NAP1L1: variants seen among roughly 807,000 people sequenced by gnomAD.
NAP1L1 encodes the protein nucleosome assembly protein 1-like 1.
In NAP1L1, 9 loss-of-function variants were observed where a neutral mutation model predicts 58.9. That is an observed-to-expected ratio of 0.15 (90% confidence interval 0.09 to 0.27). The LOEUF is 0.27. Ranked by LOEUF, NAP1L1 falls within the 10% of genes least tolerant of loss-of-function variation. The pLI is 1.00. For synonymous variants in NAP1L1, 130 were observed against 138.3 expected, an observed-to-expected ratio of 0.94 and a Z score of 0.42; for missense variants, 302 against 458.8, an observed-to-expected ratio of 0.66 and a Z score of 3.12.
Position 76,041,989 on chromosome 12 carries a change from TTAAAA to T in NAP1L1, c.*6435_*6439del, listed in dbSNP as rs1267458650. On this transcript the variant is annotated 3_prime_UTR_variant, in exon 15 of 15. Coordinates refer to ENST00000618691, the MANE Select transcript of NAP1L1 (RefSeq NM_004537.7). The stretch of plus-strand genomic sequence containing the variant: ...TAAACAGCATATGAAAACACATGTA[TTAAAA>T]TAAAACAAGAAAGGAATGAGATGAG... 1 of 152,186 alleles carries T rather than the reference TTAAAA, an allele frequency of 6.6e-6. No homozygotes were observed. The highest frequency in any genetic ancestry group is 2.4e-5 in the African/African-American group (1 of 41,460). 9.4% of individuals were successfully genotyped at this position (152,186 alleles called of 1,614,324 possible). A position where few individuals can be genotyped will look rare whatever the true frequency, so the allele number is the denominator to read the frequency against.
chr12:76,066,138 AAAC>A (rs892410023), intron 4 of NAP1L1, among the ~76,000 whole-genome samples: 2 of 8,130 alleles, frequency 2.5e-4, no homozygotes, highest in African/African-American at 1.1e-3. Flanking sequence ...ATAAATAAAT[AAAC>A]AAACAAACAA....
intron 9 of NAP1L1, 40 bp downstream of exon 9, chr12:76,053,730 C>T (rs781745384): frequency 1.3e-6 from 2 of 1,590,708 alleles, no homozygotes; most frequent in African/African-American, 1.4e-5. Flanking sequence ...ATAACAAAAA[C>T]AGAAAAAACA....
At chr12:76,062,650 T>G (rs1486157926) in intron 4 of NAP1L1, among the ~76,000 whole-genome samples, 1 of 152,112 alleles carries the variant, frequency 6.6e-6, no homozygotes, top group Non-Finnish European at 1.5e-5. Context: ...ACAGGATAGA[T>G]TCGACTGAAG....
chr12:76,077,066 CAG>C (rs1565748383), intron 1 of NAP1L1, among the ~76,000 whole-genome samples: 1 of 152,168 alleles, frequency 6.6e-6, no homozygotes, highest in African/African-American at 2.4e-5. Flanking sequence ...TTGTCAAAAA[CAG>C]AAACAAAACC....
chr12:76,062,047 T>G (rs1949440755), intron 4 of NAP1L1, among the ~76,000 whole-genome samples: 1 of 152,198 alleles, frequency 6.6e-6, no homozygotes. Flanking sequence ...CAGGTAGCAG[T>G]GCGGACAAAC....
At chr12:76,081,115 T>C (rs10785230) in intron 1 of NAP1L1, among the ~76,000 whole-genome samples, 84,289 of 151,930 alleles carry the variant, frequency 0.55, 24,996 homozygotes, top group East Asian at 0.96. Flanking sequence ...TCAGGTATTC[T>C]AAGCAACAGA....
intron 14 of NAP1L1, 158 bp downstream of exon 14, chr12:76,049,042 A>C (rs1365366085): frequency 3.0e-6 from 2 of 669,008 alleles, no homozygotes; most frequent in Non-Finnish European, 5.1e-6. Context: ...AATTATGTGT[A>C]CTGTTCACAA....
intron 1 of NAP1L1, among the ~76,000 whole-genome samples, chr12:76,078,581 A>G (rs1157669274): frequency 2.6e-5 from 4 of 152,238 alleles, no homozygotes; most frequent in African/African-American, 9.6e-5. Context: ...TCTAAGTTTG[A>G]AAACACACTG....
chr12:76,073,994 C>T (rs147162027), intron 2 of NAP1L1: 6 of 467,330 alleles, frequency 1.3e-5, no homozygotes, highest in Admixed American at 7.8e-5. Context: ...TTAGTATATA[C>T]GATGGTTTCG....
rs1202063676 is a variant in NAP1L1, at chr12:76,048,102, A to C, written c.*327T>G. 8.6e-5 allele frequency: 13 copies of C among 151,296 alleles called. No individual in the cohort carries two copies. Among genetic ancestry groups the C allele is most frequent in the African/African-American group, 3.2e-4 (11 of 34,388 alleles). The allele number at this position is 151,296 out of a possible 1,614,324, so 9.4% of individuals were successfully genotyped here. A position where few individuals can be genotyped will look rare whatever the true frequency, so the allele number is the denominator to read the frequency against. ...TTTGGTTCTTCAAGGAAAAAATTAC[A>C]AAAAAAAAAAAAAGGTATTTCCTTT... is the stretch of plus-strand genomic sequence containing the variant. On this transcript the variant is annotated 3_prime_UTR_variant, in exon 15 of 15. Transcript: ENST00000618691.
At chr12:76,078,276 C>G (rs1950273903) in intron 1 of NAP1L1, among the ~76,000 whole-genome samples, 1 of 152,040 alleles carries the variant, frequency 6.6e-6, no homozygotes, top group South Asian at 2.1e-4. Flanking sequence ...ATGCTATATC[C>G]TCAAGAATAA....
chr12:76,062,866 T>C (rs567630176), intron 4 of NAP1L1, among the ~76,000 whole-genome samples: 1 of 152,270 alleles, frequency 6.6e-6, no homozygotes, highest in Admixed American at 6.5e-5. Context: ...TTAATGAGAT[T>C]TATGAATATC....
At chr12:76,059,534 C>A in intron 6 of NAP1L1, 2 of 352,816 alleles carry the variant, frequency 5.7e-6, no homozygotes, top group Admixed American at 4.6e-5. Flanking sequence ...GGAAATAAGA[C>A]TTGTGGTGTT....
Position 76,037,174 on chromosome 12 carries a change from C to G in NAP1L1, c.*11255G>C, listed in dbSNP as rs955623130. 3 of 152,312 alleles carry G rather than the reference C, an allele frequency of 2.0e-5. No individual in the cohort carries two copies. The highest frequency in any genetic ancestry group is 2.9e-5 in the Non-Finnish European group (2 of 68,024). 9.4% of individuals were successfully genotyped at this position (152,312 alleles called of 1,614,324 possible). A position where few individuals can be genotyped will look rare whatever the true frequency, so the allele number is the denominator to read the frequency against. Reference sequence around the variant, plus strand: ...CTATTCAGAAGAAATATTCTAGATTCTAGTTTCCAAAAGTCCTTGAGTTGA... The same window carrying G: ...CTATTCAGAAGAAATATTCTAGATTGTAGTTTCCAAAAGTCCTTGAGTTGA... On this transcript the variant is annotated 3_prime_UTR_variant, in exon 15 of 15. Coordinates refer to ENST00000618691, the MANE Select transcript of NAP1L1 (RefSeq NM_004537.7).
At chr12:76,057,875 CA>C in intron 6 of NAP1L1, 2 of 1,445,590 alleles carry the variant, frequency 1.4e-6, no homozygotes, top group African/African-American at 1.4e-5. Context: ...GACGGTACCA[CA>C]AAAGGTTACT....
intron 3 of NAP1L1, chr12:76,068,628 A>AC (rs1174389972): frequency 3.6e-6 from 1 of 280,744 alleles, no homozygotes; most frequent in East Asian, 7.5e-5. Flanking sequence ...AATTCAGACA[A>AC]AACTCATGGG....
rs982359086 is a variant in NAP1L1, at chr12:76,042,764, A to G, written c.*5665T>C. On this transcript the variant is annotated 3_prime_UTR_variant, in exon 15 of 15. Transcript: ENST00000618691. ...AGAGCATATTCAGCAACTGGACTTA[A>G]GTTTCTAAGTAATACTCCCTATTCT... is the stretch of plus-strand genomic sequence containing the variant. The G allele has an allele frequency of 5.9e-5, 9 of 152,192 alleles. No homozygotes were observed. The highest frequency in any genetic ancestry group is 1.3e-4 in the Non-Finnish European group (9 of 68,034). The allele number at this position is 152,192 out of a possible 1,614,324, so 9.4% of individuals were successfully genotyped here.
At chr12:76,079,955 T>C (rs1039530497) in intron 1 of NAP1L1, among the ~76,000 whole-genome samples, 5 of 152,326 alleles carry the variant, frequency 3.3e-5, no homozygotes, top group Admixed American at 1.3e-4. Flanking sequence ...AGTGCTGTGA[T>C]TGATTACAGG....
intron 6 of NAP1L1, 77 bp downstream of exon 6, chr12:76,059,721 C>T (rs2137011260): frequency 9.9e-7 from 1 of 1,012,370 alleles, no homozygotes; most frequent in African/African-American, 1.6e-5. Flanking sequence ...TGTACTCCAT[C>T]ATTAAATGCT....
Sources: allele counts gnomAD v4.1 joint callset (sites outside exome capture counted in the v4.1 genomes callset), GRCh38; gene constraint gnomAD v4.1.1; transcripts MANE v1.5; gene names NCBI Gene and HGNC (gene_info 2026-07-23, HGNC 2026-07-21).